Variants in SLC35F1 observed in about 807,000 individuals in gnomAD.
SLC35F1 encodes the protein solute carrier family 35 member F1.
SLC35F1 carries 14 observed loss-of-function variants against 48.7 expected under a neutral mutation model. The observed-to-expected ratio is 0.29, with a 90% CI of 0.19 to 0.45. The LOEUF is 0.45. Among genes scored for constraint, SLC35F1 ranks in the 20% least tolerant of loss-of-function variants. The probability of loss-of-function intolerance (pLI) is 1.00; values close to 1 mark genes in which losing one functional copy is unlikely to be tolerated. For missense variants in SLC35F1, 404 were observed against 500.0 expected (o/e 0.81, Z 1.83); for synonymous variants, 190 against 202.2 (o/e 0.94, Z 0.51).
In SLC35F1 at chr6:118,002,197, A is replaced by T. The variant is rs529240007; in HGVS notation, c.173+94298A>T. 9.7e-4 allele frequency among the ~76,000 whole-genome samples: 147 copies of T among 151,970 alleles called. 2 individuals are homozygous for T. In the South Asian group the frequency reaches 0.03, roughly 31 times the overall value. On this transcript the variant is annotated intron_variant, in intron 1 of 7. Transcript: ENST00000360388. ...TTCACAATAGCAAAGACTTGGAACCAACCCAAATGTCCAACATTGATAGAC... is the reference window on the plus strand; with the variant it reads ...TTCACAATAGCAAAGACTTGGAACCTACCCAAATGTCCAACATTGATAGAC...
At chr6:118,280,597 G>T (rs1775970715) in intron 6 of SLC35F1, among the ~76,000 whole-genome samples, 2 of 152,190 alleles carry the variant, frequency 1.3e-5, no homozygotes, top group Admixed American at 1.3e-4. Context: ...ACCTTTCCTG[G>T]CCAGGTGCAG....
At chr6:118,196,658 G>A (rs945107944) in intron 2 of SLC35F1, among the ~76,000 whole-genome samples, 12 of 152,106 alleles carry the variant, frequency 7.9e-5, no homozygotes, top group African/African-American at 2.9e-4. Context: ...AGAGGTTGCA[G>A]TGAGCCAAAA....
At chr6:117,920,739 T>C (rs1775887208) in intron 1 of SLC35F1, among the ~76,000 whole-genome samples, 1 of 152,068 alleles carries the variant, frequency 6.6e-6, no homozygotes, top group African/African-American at 2.4e-5. Flanking sequence ...AAAGATTGGG[T>C]AATGGGAGCT....
intron 3 of SLC35F1, among the ~76,000 whole-genome samples, chr6:118,250,200 C>T (rs2114602286): frequency 6.6e-6 from 1 of 152,316 alleles, no homozygotes; most frequent in South Asian, 2.1e-4. Flanking sequence ...TGCACCTATA[C>T]TGCCTCCCCT....
intron 1 of SLC35F1, among the ~76,000 whole-genome samples, chr6:118,128,234 A>G (rs1458440331): frequency 6.7e-6 from 1 of 148,252 alleles, no homozygotes; most frequent in African/African-American, 2.5e-5. Context: ...TAGTTCAACC[A>G]TTGTGGAAAT....
intron 1 of SLC35F1, among the ~76,000 whole-genome samples, chr6:118,105,731 C>T (rs1333853250): frequency 6.6e-6 from 1 of 152,138 alleles, no homozygotes; most frequent in Non-Finnish European, 1.5e-5. Flanking sequence ...CACTTTTATG[C>T]TTAATGTGTG....
At chr6:118,004,359 T>A (rs1777146255) in intron 1 of SLC35F1, among the ~76,000 whole-genome samples, 1 of 152,198 alleles carries the variant, frequency 6.6e-6, no homozygotes, top group African/African-American at 2.4e-5. Flanking sequence ...GTTTTATCAC[T>A]GAGAGTTTTA....
chr6:118,121,862 A>G (rs1773556699), intron 1 of SLC35F1, among the ~76,000 whole-genome samples: 1 of 152,178 alleles, frequency 6.6e-6, no homozygotes, highest in Admixed American at 6.6e-5. Flanking sequence ...AATACAAATT[A>G]TTAGATGATT....
At chr6:117,936,374 G>A (rs1424548519) in intron 1 of SLC35F1, among the ~76,000 whole-genome samples, 1 of 152,108 alleles carries the variant, frequency 6.6e-6, no homozygotes, top group Non-Finnish European at 1.5e-5. Context: ...TGTGAGGGTG[G>A]GATGTGCTAA....
chr6:118,198,263 C>T (rs189493452), intron 2 of SLC35F1, among the ~76,000 whole-genome samples: 1 of 152,286 alleles, frequency 6.6e-6, no homozygotes, highest in Admixed American at 6.5e-5. Context: ...TCATTGCTCA[C>T]AGATATGCCA....
At chr6:118,199,905 TG>T (rs1290607774) in intron 2 of SLC35F1, among the ~76,000 whole-genome samples, 3 of 152,210 alleles carry the variant, frequency 2.0e-5, no homozygotes, top group African/African-American at 7.2e-5. Context: ...ACCACATTGT[TG>T]TATTAAATGT....
intron 1 of SLC35F1, among the ~76,000 whole-genome samples, chr6:118,102,801 A>C (rs148776591): frequency 4.7e-4 from 71 of 152,308 alleles, no homozygotes; most frequent in African/African-American, 1.7e-3. Flanking sequence ...TCTCCTTGAG[A>C]GGCAAGGGTC....
intron 1 of SLC35F1, among the ~76,000 whole-genome samples, chr6:117,969,270 A>AT (rs1246729022): frequency 1.3e-5 from 2 of 152,206 alleles, no homozygotes; most frequent in Non-Finnish European, 2.9e-5. Flanking sequence ...TTAAACAAGA[A>AT]TATATTTTTT....
intron 7 of SLC35F1, among the ~76,000 whole-genome samples, chr6:118,301,456 A>G (rs961433870): frequency 6.6e-6 from 1 of 152,216 alleles, no homozygotes; most frequent in Non-Finnish European, 1.5e-5. Context: ...AAATGAGTTC[A>G]ATACCATCAT....
chr6:117,933,422 C>G lies in SLC35F1; in HGVS notation c.173+25523C>G, dbSNP rs77274578. 2.1e-3 allele frequency among the ~76,000 whole-genome samples: 320 copies of G among 152,188 alleles called. 2 individuals carry two copies. Among genetic ancestry groups the G allele is most frequent in the African/African-American group, 7.3e-3 (304 of 41,510 alleles). The stretch of plus-strand genomic sequence containing the variant: ...TAAGCATTTTTATAAAGAGGGTATA[C>G]CACACTCACAATATTTCTGAGTAAA... On this transcript the variant is annotated intron_variant, in intron 1 of 7. Coordinates refer to ENST00000360388, the MANE Select transcript of SLC35F1 (RefSeq NM_001029858.4).
At chr6:117,938,587 G>T (rs986157417) in intron 1 of SLC35F1, among the ~76,000 whole-genome samples, 1 of 152,172 alleles carries the variant, frequency 6.6e-6, no homozygotes, top group Non-Finnish European at 1.5e-5. Context: ...AGTCACTAAG[G>T]CTCCTGAGAA....
rs540331220 is a variant in SLC35F1 at position 118,045,603 on chromosome 6, G to A, written c.174-108842G>A. ...ATAAAAGCCCTCGCAACTGATTCCC[G>A]TGTCTTTGGGATTTACTGGGGATCT... On this transcript the variant is annotated intron_variant, in intron 1 of 7. Transcript: ENST00000360388. 2.4e-4 allele frequency among the ~76,000 whole-genome samples: 36 copies of A among 152,246 alleles called. No homozygotes were observed. The South Asian group carries it at 6.4e-3, about 27-fold the overall frequency.
rs147311293 is a variant in SLC35F1, at chr6:117,996,170, A to G, written c.173+88271A>G. Among the ~76,000 whole-genome samples the G allele has an allele frequency of 2.6e-3, 399 of 152,362 alleles. 1 individual carries two copies. The highest frequency in any genetic ancestry group is 9.4e-3 in the African/African-American group (390 of 41,590). ...TAAGAGAAGAATATTAAAACTTTACATTTATAAATTTTAAGGTAAAAATCT... is the reference window on the plus strand; with the variant it reads ...TAAGAGAAGAATATTAAAACTTTACGTTTATAAATTTTAAGGTAAAAATCT... On this transcript the variant is annotated intron_variant, in intron 1 of 7. Coordinates refer to ENST00000360388, the MANE Select transcript of SLC35F1 (RefSeq NM_001029858.4).
chr6:118,122,224 T>C (rs1582677405), intron 1 of SLC35F1, among the ~76,000 whole-genome samples: 1 of 151,170 alleles, frequency 6.6e-6, no homozygotes, highest in East Asian at 1.9e-4. Flanking sequence ...TTCATTTTTT[T>C]CTCCTTTTTT....
Sources: allele counts gnomAD v4.1 joint callset (sites outside exome capture counted in the v4.1 genomes callset), GRCh38; gene constraint gnomAD v4.1.1; transcripts MANE v1.5; gene names NCBI Gene and HGNC (gene_info 2026-07-23, HGNC 2026-07-21).